The following PTPRD variants were observed in gnomAD, a reference collection of about 807,000 sequenced individuals.
PTPRD encodes the protein receptor-type tyrosine-protein phosphatase delta.
A neutral mutation model predicts 214.5 loss-of-function variants in PTPRD; 34 were observed. That is an observed-to-expected ratio of 0.16 (90% CI 0.12 to 0.21). The LOEUF is 0.21. Ranked by LOEUF, PTPRD falls within the 10% of genes least tolerant of loss-of-function variation. PTPRD has a pLI of 1.00. For synonymous variants in PTPRD, 1,128 were observed against 845.7 expected, an observed-to-expected ratio of 1.33 and a Z score of -5.79; for missense variants, 2,545 against 2,398.7, an observed-to-expected ratio of 1.06 and a Z score of -1.27.
At chr9:8,524,631 A>C in intron 18 of PTPRD, 2 of 449,076 alleles carry the variant, frequency 4.5e-6, no homozygotes, top group South Asian at 4.7e-5. Flanking sequence ...AGAAAACCTC[A>C]AACAAATGCA....
At chr9:8,675,106 C>T (rs987371235) in intron 12 of PTPRD, among the ~76,000 whole-genome samples, 5 of 151,980 alleles carry the variant, frequency 3.3e-5, no homozygotes, top group Non-Finnish European at 5.9e-5. Context: ...AAGTGGATGT[C>T]GCATACACTT....
At chr9:9,785,376 G>A (rs1237185372) in intron 5 of PTPRD, among the ~76,000 whole-genome samples, 1 of 152,086 alleles carries the variant, frequency 6.6e-6, no homozygotes, top group South Asian at 2.1e-4. Flanking sequence ...GAAAAACCTA[G>A]TACATGCTAC....
rs530317157 is a variant in PTPRD, at chr9:9,063,531, A to G, written c.-142-44796T>C. On this transcript the variant is annotated intron_variant, in intron 10 of 45. Transcript: ENST00000381196. ...TTTCTTCCAACTCACTATAATCTGT[A>G]ATTTTATTTTCATTTTAAAAAACAT... Among the ~76,000 whole-genome samples the G allele has an allele frequency of 4.6e-5, 7 of 152,224 alleles. No individual in the cohort carries two copies. The South Asian group carries it at 1.4e-3, about 32-fold the overall frequency.
chr9:8,569,186 C>A (rs10977207), intron 14 of PTPRD, among the ~76,000 whole-genome samples: 41,448 of 151,838 alleles, frequency 0.27, 6,984 homozygotes, highest in East Asian at 0.4. Context: ...GAGGGTACAA[C>A]TCCTCCCACC....
At chr9:8,980,463 A>T (rs1225893722) in intron 11 of PTPRD, among the ~76,000 whole-genome samples, 1 of 152,138 alleles carries the variant, frequency 6.6e-6, no homozygotes, top group East Asian at 1.9e-4. Flanking sequence ...TTTACTATCT[A>T]TATGTATCCA....
At chr9:8,352,679 G>C (rs1330738952) in intron 39 of PTPRD, among the ~76,000 whole-genome samples, 1 of 152,302 alleles carries the variant, frequency 6.6e-6, no homozygotes. Context: ...GATTCAAAGA[G>C]AGGAGCCACT....
intron 11 of PTPRD, among the ~76,000 whole-genome samples, chr9:8,917,884 A>ATTTTTC (rs1169541584): frequency 2.6e-5 from 4 of 152,076 alleles, no homozygotes; most frequent in African/African-American, 9.7e-5. Context: ...TTAAAAGTTT[A>ATTTTTC]TTTTTCATGT....
chr9:9,288,270 A>G (rs1950118100), intron 9 of PTPRD, among the ~76,000 whole-genome samples: 1 of 151,892 alleles, frequency 6.6e-6, no homozygotes, highest in African/African-American at 2.4e-5. Flanking sequence ...TTTATTCAGT[A>G]TATTATGCTA....
At chr9:10,242,863 C>T (rs1023906776) in intron 3 of PTPRD, among the ~76,000 whole-genome samples, 6 of 144,070 alleles carry the variant, frequency 4.2e-5, no homozygotes, top group East Asian at 4.4e-4. Context: ...TTTGATGTAA[C>T]GTATCATTGT....
intron 3 of PTPRD, among the ~76,000 whole-genome samples, chr9:10,215,324 T>A (rs974231993): frequency 6.6e-6 from 1 of 151,532 alleles, no homozygotes; most frequent in East Asian, 1.9e-4. Context: ...TATAATTAAA[T>A]GATAAACTGA....
At chr9:9,016,596 C>T (rs1301621684) in intron 11 of PTPRD, among the ~76,000 whole-genome samples, 2 of 152,120 alleles carry the variant, frequency 1.3e-5, no homozygotes, top group Non-Finnish European at 1.5e-5. Context: ...TGAGGCTACA[C>T]TCCAGATCCA....
Position 8,790,680 on chromosome 9 carries a change from A to AT in PTPRD, c.-103-56735dup, listed in dbSNP as rs1356186737. On this transcript the variant is annotated intron_variant, in intron 11 of 45. Transcript: ENST00000381196. ...GCATACCTTAGTCACAAGAGAAAAC[A>AT]TTTTTTAGTGTGGATTGAGGTTAAA... Among the ~76,000 whole-genome samples, 7 of 152,174 alleles carry AT rather than the reference A, an allele frequency of 4.6e-5. No homozygotes were observed. In the Middle Eastern group the frequency reaches 0.01, roughly 222 times the overall value.
chr9:9,076,764 G>A (rs2099751813), intron 10 of PTPRD, among the ~76,000 whole-genome samples: 1 of 150,808 alleles, frequency 6.6e-6, no homozygotes, highest in Admixed American at 6.6e-5. Context: ...ACATGGAAGT[G>A]CAGATATCTC....
intron 7 of PTPRD, among the ~76,000 whole-genome samples, chr9:9,678,289 G>A (rs998351937): frequency 1.3e-5 from 2 of 152,056 alleles, no homozygotes; most frequent in African/African-American, 4.8e-5. Flanking sequence ...GAAGAAAGCT[G>A]GAGGCATCAT....
At chr9:8,523,151 GA>G (rs1251920827) in intron 19 of PTPRD, among the ~76,000 whole-genome samples, 1 of 152,110 alleles carries the variant, frequency 6.6e-6, no homozygotes, top group Admixed American at 6.6e-5. Flanking sequence ...GGGATTAGGG[GA>G]GAAACTAGAA....
At chr9:8,517,728 A>G (rs1486160143) in intron 21 of PTPRD, 120 bp downstream of exon 21, 1 of 789,994 alleles carries the variant, frequency 1.3e-6, no homozygotes, top group Non-Finnish European at 2.0e-6. Flanking sequence ...GTTGCTTTGA[A>G]GCCCTAAATC....
chr9:9,407,666 A>G (rs1454878207), intron 8 of PTPRD, among the ~76,000 whole-genome samples: 1 of 151,808 alleles, frequency 6.6e-6, no homozygotes. Context: ...TGTAGTCTTC[A>G]CGCTGCTAAG....
intron 10 of PTPRD, among the ~76,000 whole-genome samples, chr9:9,104,848 C>A (rs969311879): frequency 6.6e-5 from 10 of 152,130 alleles, no homozygotes; most frequent in African/African-American, 1.9e-4. Context: ...GATTCCTGAA[C>A]TGCAAGAATT....
At chr9:9,804,081 A>G (rs2099058605) in intron 5 of PTPRD, among the ~76,000 whole-genome samples, 1 of 152,112 alleles carries the variant, frequency 6.6e-6, no homozygotes, top group Non-Finnish European at 1.5e-5. Flanking sequence ...TTAATACACA[A>G]AGATTATCTG....
Sources: gnomAD v4.1 joint callset for allele counts (sites outside exome capture counted in the v4.1 genomes callset) on GRCh38, gnomAD v4.1.1 for gene constraint, MANE v1.5 for transcripts, NCBI Gene and HGNC (gene_info 2026-07-23, HGNC 2026-07-21) for gene names.